DYNC1I1: variants seen among roughly 807,000 people sequenced by gnomAD.
The protein encoded by DYNC1I1 is cytoplasmic dynein 1 intermediate chain 1.
In DYNC1I1, 43 loss-of-function variants were observed where a neutral mutation model predicts 86.6. That is an observed-to-expected ratio of 0.50 (90% CI 0.39 to 0.64). DYNC1I1 has a LOEUF of 0.64. DYNC1I1 is among the 30% of genes least tolerant of loss of function. The pLI, the probability that DYNC1I1 is intolerant of heterozygous loss-of-function variation, is 0.00. For missense variants in DYNC1I1, 604 were observed against 788.8 expected (o/e 0.77, Z 2.81); for synonymous variants, 262 against 283.7 (o/e 0.92, Z 0.77).
intron 6 of DYNC1I1, among the ~76,000 whole-genome samples, chr7:95,881,689 T>A (rs1790459027): frequency 6.6e-6 from 1 of 152,200 alleles, no homozygotes; most frequent in Non-Finnish European, 1.5e-5. Context: ...TTTCTGGTAA[T>A]GGGAAATAAG....
At chr7:95,840,308 GC>G (rs1280523345) in intron 5 of DYNC1I1, among the ~76,000 whole-genome samples, 3 of 151,800 alleles carry the variant, frequency 2.0e-5, no homozygotes, top group Non-Finnish European at 4.4e-5. Context: ...TTTCCAGTGA[GC>G]TGTCTTTGAC....
intron 6 of DYNC1I1, among the ~76,000 whole-genome samples, chr7:95,970,240 A>C (rs930774860): frequency 1.3e-5 from 2 of 152,158 alleles, no homozygotes; most frequent in African/African-American, 4.8e-5. Flanking sequence ...GCGCCGACCA[A>C]AGTCAGGTTC....
At chr7:96,058,252 C>A (rs1020012486) in intron 14 of DYNC1I1, among the ~76,000 whole-genome samples, 2 of 152,104 alleles carry the variant, frequency 1.3e-5, no homozygotes, top group African/African-American at 4.8e-5. Context: ...TCATGGAGAA[C>A]GTAATGTGTT....
chr7:96,078,556 T>C (rs1790414515), intron 15 of DYNC1I1, among the ~76,000 whole-genome samples: 1 of 152,182 alleles, frequency 6.6e-6, no homozygotes, highest in South Asian at 2.1e-4. Context: ...TGTTTCACTT[T>C]GTTATAGTAC....
chr7:95,844,901 C>T (rs562426102), intron 5 of DYNC1I1, among the ~76,000 whole-genome samples: 3 of 152,232 alleles, frequency 2.0e-5, no homozygotes, highest in African/African-American at 7.2e-5. Flanking sequence ...AATTCAGGCC[C>T]CTCTCATTTT....
intron 16 of DYNC1I1, among the ~76,000 whole-genome samples, chr7:96,094,570 C>T (rs1790945273): frequency 6.6e-6 from 1 of 152,124 alleles, no homozygotes; most frequent in Admixed American, 6.5e-5. Flanking sequence ...TTGGTCTTAC[C>T]TACAAGTAAT....
At chr7:96,064,602 A>G (rs1789901516) in intron 14 of DYNC1I1, among the ~76,000 whole-genome samples, 1 of 150,288 alleles carries the variant, frequency 6.7e-6, no homozygotes, top group Non-Finnish European at 1.5e-5. Flanking sequence ...AAAGGTTCTG[A>G]ACCAAGGTAA....
At chr7:96,012,481 C>T (rs1049539157) in intron 10 of DYNC1I1, among the ~76,000 whole-genome samples, 1 of 152,128 alleles carries the variant, frequency 6.6e-6, no homozygotes, top group African/African-American at 2.4e-5. Flanking sequence ...TGGGAGTAAA[C>T]AATTCAAATT....
In DYNC1I1 at chr7:96,005,438, G is replaced by A. The variant is rs1472672146; in HGVS notation, c.969+9365G>A. On this transcript the variant is annotated intron_variant, in intron 10 of 16. Coordinates refer to ENST00000447467, the MANE Select transcript of DYNC1I1 (RefSeq NM_001135556.2). Reference sequence around the variant, plus strand: ...TTCTCTGTGATTTTTCATCTTGGGTGGGCGCTCTTTGTGAACAGCGATGTT... The same window carrying A: ...TTCTCTGTGATTTTTCATCTTGGGTAGGCGCTCTTTGTGAACAGCGATGTT... Among the ~76,000 whole-genome samples the A allele has an allele frequency of 2.0e-5, 3 of 152,106 alleles. No homozygotes were observed. The South Asian group carries it at 6.2e-4, about 32-fold the overall frequency.
rs1791110925 is a variant in DYNC1I1 at position 95,904,120 on chromosome 7, A to G, written c.490+34122A>G. Among the ~76,000 whole-genome samples the G allele has an allele frequency of 1.3e-5, 2 of 152,184 alleles. 1 individual carries two copies. The highest frequency in any genetic ancestry group is 4.1e-4 in the South Asian group (2 of 4,830). ...GATAAGTGGGCTTGGTTAGCCCTTT[A>G]TTTTAGGGTATATGGAGAAGTTTAG... On this transcript the variant is annotated intron_variant, in intron 6 of 16. Transcript: ENST00000447467.
chr7:95,894,968 G>C (rs1039935920), intron 6 of DYNC1I1, among the ~76,000 whole-genome samples: 1 of 152,180 alleles, frequency 6.6e-6, no homozygotes, highest in Non-Finnish European at 1.5e-5. Context: ...GGCCTTTTCT[G>C]TTGACCAATG....
intron 7 of DYNC1I1, among the ~76,000 whole-genome samples, chr7:95,984,237 A>T (rs1275283635): frequency 6.6e-6 from 1 of 152,212 alleles, no homozygotes; most frequent in African/African-American, 2.4e-5. Context: ...AAAGCAGAAG[A>T]TCTTGAGTGA....
At chr7:95,788,931 T>G (rs756436315) in intron 1 of DYNC1I1, among the ~76,000 whole-genome samples, 3 of 152,172 alleles carry the variant, frequency 2.0e-5, no homozygotes, top group Non-Finnish European at 4.4e-5. Context: ...GTCTTGAAAA[T>G]TTAGATATAA....
intron 10 of DYNC1I1, among the ~76,000 whole-genome samples, chr7:95,996,598 A>C (rs1184929409): frequency 8.5e-5 from 13 of 152,208 alleles, no homozygotes. Context: ...TCTGGTTTGA[A>C]AATGCAGAGA....
intron 6 of DYNC1I1, among the ~76,000 whole-genome samples, chr7:95,935,090 T>C (rs1792004051): frequency 6.6e-6 from 1 of 152,044 alleles, no homozygotes; most frequent in African/African-American, 2.4e-5. Context: ...TTATTCACCT[T>C]GCTTGAGTGA....
At position 96,032,848 on chromosome 7, in the gene DYNC1I1, G is replaced by T. The variant is rs960889089; in HGVS notation, c.1230+68G>T. ...AGAGATACCTACTTAATGGAACATA[G>T]TTCCTAAAAGCCAAACCCTCACATC... is the stretch of plus-strand genomic sequence containing the variant. On this transcript the variant is annotated intron_variant, in intron 12 of 16. Transcript: ENST00000447467. 21 of 1,359,898 alleles carry T rather than the reference G, an allele frequency of 1.5e-5. No individual in the cohort carries two copies. In the East Asian group the frequency reaches 3.7e-4, roughly 24 times the overall value. 84.2% of individuals were successfully genotyped at this position (1,359,898 alleles called of 1,614,324 possible). A position where few individuals can be genotyped will look rare whatever the true frequency, so the allele number is the denominator to read the frequency against.
intron 5 of DYNC1I1, among the ~76,000 whole-genome samples, chr7:95,858,265 A>G (rs1789778238): frequency 6.6e-6 from 1 of 152,190 alleles, no homozygotes; most frequent in Non-Finnish European, 1.5e-5. Context: ...TCTTACTGGT[A>G]ACATTAGCAG....
At chr7:95,992,245 G>A (rs1318488457) in intron 9 of DYNC1I1, among the ~76,000 whole-genome samples, 1 of 152,020 alleles carries the variant, frequency 6.6e-6, no homozygotes, top group African/African-American at 2.4e-5. Flanking sequence ...TTACTTCTAC[G>A]TGTGTCTTAC....
chr7:95,860,627 G>T (rs1387020548), intron 5 of DYNC1I1, among the ~76,000 whole-genome samples: 2 of 152,056 alleles, frequency 1.3e-5, no homozygotes, highest in Non-Finnish European at 2.9e-5. Flanking sequence ...GTCCATTTGT[G>T]CTGTTATAAC....
Sources: allele counts gnomAD v4.1 joint callset (sites outside exome capture counted in the v4.1 genomes callset), GRCh38; gene constraint gnomAD v4.1.1; transcripts MANE v1.5; gene names NCBI Gene and HGNC (gene_info 2026-07-23, HGNC 2026-07-21).